Variants in LRMDA observed in about 807,000 individuals in gnomAD.
LRMDA encodes leucine-rich melanocyte differentiation-associated protein.
A neutral mutation model predicts 29.8 loss-of-function variants in LRMDA; 18 were observed. The ratio of observed to expected loss-of-function variants is 0.60; its 90% confidence interval spans 0.42 to 0.90. The LOEUF (loss-of-function observed/expected upper bound fraction) is 0.90. Among genes scored for constraint, LRMDA ranks in the 40% least tolerant of loss-of-function variants. The probability of loss-of-function intolerance (pLI) is 0.00; values close to 1 mark genes in which losing one functional copy is unlikely to be tolerated. For synonymous variants in LRMDA, 125 were observed against 109.4 expected, an observed-to-expected ratio of 1.14 and a Z score of -0.89; for missense variants, 273 against 273.9, an observed-to-expected ratio of 1.00 and a Z score of 0.02.
intron 2 of LRMDA, among the ~76,000 whole-genome samples, chr10:75,735,100 T>C (rs1842745865): frequency 6.6e-6 from 1 of 152,254 alleles, no homozygotes; most frequent in African/African-American, 2.4e-5. Context: ...TGTTCACTAG[T>C]GTATCCCAAG....
chr10:75,756,445 C>T (rs1405591273), intron 2 of LRMDA, among the ~76,000 whole-genome samples: 1 of 152,144 alleles, frequency 6.6e-6, no homozygotes, highest in Non-Finnish European at 1.5e-5. Context: ...CCCTGATGAC[C>T]TCCTGGAGAT....
chr10:76,280,877 C>G (rs930634726), intron 5 of LRMDA, among the ~76,000 whole-genome samples: 3 of 152,084 alleles, frequency 2.0e-5, no homozygotes, highest in Non-Finnish European at 4.4e-5. Flanking sequence ...TGATCCCTGC[C>G]TTCAGGAAGT....
chr10:75,761,345 C>A (rs1843091695), intron 2 of LRMDA, among the ~76,000 whole-genome samples: 1 of 152,144 alleles, frequency 6.6e-6, no homozygotes, highest in African/African-American at 2.4e-5. Flanking sequence ...GTAATATTAT[C>A]CAGCCTTAAA....
intron 2 of LRMDA, among the ~76,000 whole-genome samples, chr10:75,506,484 T>G (rs1845169521): frequency 4.2e-5 from 1 of 23,584 alleles, no homozygotes; most frequent in Non-Finnish European, 8.3e-5. Flanking sequence ...ATTTCTGTTG[T>G]TTTTTTTTGG....
At chr10:75,784,317 T>C (rs1843435087) in intron 2 of LRMDA, among the ~76,000 whole-genome samples, 1 of 152,200 alleles carries the variant, frequency 6.6e-6, no homozygotes, top group Non-Finnish European at 1.5e-5. Context: ...GATGATTGAA[T>C]TAGTATATAC....
chr10:76,350,542 G>A (rs531530214), intron 6 of LRMDA, among the ~76,000 whole-genome samples: 3 of 151,860 alleles, frequency 2.0e-5, no homozygotes, highest in Admixed American at 6.6e-5. Flanking sequence ...GGCAGGAGTC[G>A]GGGATTATGG....
intron 6 of LRMDA, among the ~76,000 whole-genome samples, chr10:76,360,256 G>T (rs970080349): frequency 1.5e-4 from 23 of 152,182 alleles, no homozygotes; most frequent in African/African-American, 5.5e-4. Context: ...CCAAAGTGCT[G>T]GGATTACAGG....
chr10:76,349,036 A>C (rs930240639), intron 6 of LRMDA, among the ~76,000 whole-genome samples: 1 of 152,196 alleles, frequency 6.6e-6, no homozygotes, highest in Non-Finnish European at 1.5e-5. Context: ...GTAGGAGGGA[A>C]GAGCATGAAA....
chr10:75,761,630 T>C (rs1031290322), intron 2 of LRMDA, among the ~76,000 whole-genome samples: 3 of 152,124 alleles, frequency 2.0e-5, no homozygotes, highest in Non-Finnish European at 2.9e-5. Flanking sequence ...TTGTACAATA[T>C]TGTGAATGTA....
At chr10:75,432,801 C>T (rs1380272741) in intron 1 of LRMDA, among the ~76,000 whole-genome samples, 1 of 152,222 alleles carries the variant, frequency 6.6e-6, no homozygotes, top group Non-Finnish European at 1.5e-5. Flanking sequence ...AAACTAGCCG[C>T]TGCCTGTTTT....
chr10:75,575,848 C>T (rs1840497953), intron 2 of LRMDA, among the ~76,000 whole-genome samples: 1 of 151,600 alleles, frequency 6.6e-6, no homozygotes, highest in South Asian at 2.1e-4. Flanking sequence ...GAGCTTTTCC[C>T]GCAGTTTTCA....
chr10:75,756,418 G>C (rs1040191205), intron 2 of LRMDA, among the ~76,000 whole-genome samples: 8 of 152,170 alleles, frequency 5.3e-5, no homozygotes, highest in African/African-American at 1.9e-4. Context: ...GAGTGGTGGA[G>C]CATAGAGTTA....
intron 2 of LRMDA, among the ~76,000 whole-genome samples, chr10:76,028,676 T>G (rs998870266): frequency 6.6e-6 from 1 of 152,148 alleles, no homozygotes; most frequent in Non-Finnish European, 1.5e-5. Context: ...AATCTACCCA[T>G]AGAGCAATTT....
At chr10:76,539,863 A>G (rs1272581827) in intron 6 of LRMDA, among the ~76,000 whole-genome samples, 1 of 152,172 alleles carries the variant, frequency 6.6e-6, no homozygotes, top group Non-Finnish European at 1.5e-5. Flanking sequence ...GATGGAGCAA[A>G]GTGAAAACAC....
intron 2 of LRMDA, among the ~76,000 whole-genome samples, chr10:75,624,911 C>A (rs1023165958): frequency 6.6e-6 from 1 of 152,142 alleles, no homozygotes; most frequent in Non-Finnish European, 1.5e-5. Flanking sequence ...TAATAACAAT[C>A]CAGGAGACTT....
chr10:76,532,227 C>A (rs1321115834), intron 6 of LRMDA, among the ~76,000 whole-genome samples: 1 of 152,124 alleles, frequency 6.6e-6, no homozygotes, highest in African/African-American at 2.4e-5. Flanking sequence ...CTCCCTGTGT[C>A]CATGTGTTCT....
chr10:75,614,776 G>GTGTT (rs1314842485), intron 2 of LRMDA, among the ~76,000 whole-genome samples: 1 of 151,852 alleles, frequency 6.6e-6, no homozygotes, highest in Non-Finnish European at 1.5e-5. Context: ...GATATCAGTG[G>GTGTT]TGTTTGTTTT....
intron 2 of LRMDA, among the ~76,000 whole-genome samples, chr10:75,470,676 C>G (rs1003715975): frequency 6.6e-6 from 1 of 152,122 alleles, no homozygotes; most frequent in Admixed American, 6.5e-5. Flanking sequence ...AGTGCCAGAG[C>G]TCACTTCTCT....
chr10:76,534,231 C>A (rs1457579046), intron 6 of LRMDA, among the ~76,000 whole-genome samples: 2 of 152,112 alleles, frequency 1.3e-5, no homozygotes, highest in Non-Finnish European at 2.9e-5. Context: ...TCACAAAAAT[C>A]CACATTTTCT....
Sources: gnomAD v4.1 joint callset for allele counts (sites outside exome capture counted in the v4.1 genomes callset) on GRCh38, gnomAD v4.1.1 for gene constraint, MANE v1.5 for transcripts, NCBI Gene and HGNC (gene_info 2026-07-23, HGNC 2026-07-21) for gene names.